The following CAMK1D variants were observed in gnomAD, a reference collection of about 807,000 sequenced individuals.
The protein encoded by CAMK1D is calcium/calmodulin-dependent protein kinase type 1D.
CAMK1D carries 9 observed loss-of-function variants against 47.7 expected under a neutral mutation model. The ratio of observed to expected loss-of-function variants is 0.19; its 90% CI spans 0.11 to 0.33. CAMK1D has a LOEUF of 0.33. CAMK1D is among the 10% of genes least tolerant of loss of function. The probability of loss-of-function intolerance (pLI) is 1.00; values close to 1 mark genes in which losing one functional copy is unlikely to be tolerated. For synonymous variants in CAMK1D, 184 were observed against 184.9 expected, an observed-to-expected ratio of 0.99 and a Z score of 0.04; for missense variants, 291 against 488.7, an observed-to-expected ratio of 0.60 and a Z score of 3.81.
At chr10:12,597,498 G>C (rs1838177857) in intron 2 of CAMK1D, among the ~76,000 whole-genome samples, 1 of 152,126 alleles carries the variant, frequency 6.6e-6, no homozygotes, top group African/African-American at 2.4e-5. Flanking sequence ...TTCCTAGCAG[G>C]TCCCTCATGG....
chr10:12,532,446 A>G (rs549037365), intron 1 of CAMK1D, among the ~76,000 whole-genome samples: 1 of 152,084 alleles, frequency 6.6e-6, no homozygotes, highest in South Asian at 2.1e-4. Flanking sequence ...CGCCTGGCTA[A>G]TTTTTTGTAT....
intron 5 of CAMK1D, among the ~76,000 whole-genome samples, chr10:12,777,012 CT>C (rs1182404333): frequency 3.3e-5 from 5 of 152,172 alleles, no homozygotes; most frequent in Non-Finnish European, 7.3e-5. Flanking sequence ...TTGCAAATAA[CT>C]TTTAGCCAGT....
rs11257828 is a variant in CAMK1D at position 12,490,752 on chromosome 10, G to A, written c.93-62473G>A. On this transcript the variant is annotated intron_variant, in intron 1 of 10. Coordinates refer to ENST00000619168, the MANE Select transcript of CAMK1D (RefSeq NM_153498.4). ...CGCAGCTACTCAGGAGGCTGAGGCAGGAGAATCGCTTGAACCCAGGAGGCG... is the reference window on the plus strand; with the variant it reads ...CGCAGCTACTCAGGAGGCTGAGGCAAGAGAATCGCTTGAACCCAGGAGGCG... Among the ~76,000 whole-genome samples, 1,199 of 152,252 alleles carry A rather than the reference G, an allele frequency of 7.9e-3. 9 individuals carry two copies. Among genetic ancestry groups the A allele is most frequent in the African/African-American group, 0.028 (1,144 of 41,516 alleles).
At chr10:12,406,447 A>C (rs1478038537) in intron 1 of CAMK1D, among the ~76,000 whole-genome samples, 1 of 152,094 alleles carries the variant, frequency 6.6e-6, no homozygotes. Context: ...GTGGTGGCTC[A>C]TGCCTGTAAT....
chr10:12,520,209 T>C (rs1588583345), intron 1 of CAMK1D, among the ~76,000 whole-genome samples: 1 of 70,844 alleles, frequency 1.4e-5, no homozygotes, highest in Non-Finnish European at 2.9e-5. Context: ...TCCTCACTTC[T>C]CAGACGGGGT....
rs202149872 is a variant in CAMK1D, at chr10:12,725,432, A to G, written c.300-35516A>G. ...GGGTTTTCTTCCTCAACACTAAAGG[A>G]CATCAAAGTAGTAATTTTCAAGAGA... On this transcript the variant is annotated intron_variant, in intron 3 of 10. Coordinates refer to ENST00000619168, the MANE Select transcript of CAMK1D (RefSeq NM_153498.4). 2.3e-3 allele frequency: 354 copies of G among 155,216 alleles called. 1 individual carries two copies. The highest frequency in any genetic ancestry group is 4.1e-3 in the Non-Finnish European group (278 of 68,210). 9.6% of individuals were successfully genotyped at this position (155,216 alleles called of 1,614,324 possible).
intron 2 of CAMK1D, among the ~76,000 whole-genome samples, chr10:12,622,837 G>T (rs754726140): frequency 2.0e-5 from 3 of 151,990 alleles, no homozygotes; most frequent in Non-Finnish European, 4.4e-5. Flanking sequence ...TGAGTAGAGG[G>T]GAGGATGTAG....
intron 3 of CAMK1D, among the ~76,000 whole-genome samples, chr10:12,672,812 T>A (rs928945708): frequency 7.9e-5 from 12 of 151,914 alleles, no homozygotes; most frequent in Non-Finnish European, 1.2e-4. Flanking sequence ...ACTTTAGTTT[T>A]TTTATTTATT....
intron 5 of CAMK1D, among the ~76,000 whole-genome samples, chr10:12,775,118 G>C (rs1188704486): frequency 7.1e-4 from 2 of 2,834 alleles, no homozygotes; most frequent in African/African-American, 3.7e-3. Context: ...GAAGGCTCAG[G>C]CATTGATCAG....
intron 1 of CAMK1D, among the ~76,000 whole-genome samples, chr10:12,516,452 A>G (rs987491735): frequency 3.3e-5 from 5 of 152,068 alleles, no homozygotes; most frequent in African/African-American, 1.2e-4. Context: ...GCATTTGCCT[A>G]TAGGTTTCTA....
chr10:12,804,475 G>A (rs945630628), intron 6 of CAMK1D, among the ~76,000 whole-genome samples: 11 of 152,052 alleles, frequency 7.2e-5, no homozygotes, highest in South Asian at 2.1e-4. Flanking sequence ...TTAGCCAGGC[G>A]TGGTGGTGGG....
intron 3 of CAMK1D, among the ~76,000 whole-genome samples, chr10:12,686,040 A>C (rs1832648111): frequency 6.6e-6 from 1 of 152,220 alleles, no homozygotes. Context: ...TTAGAATCAC[A>C]GTGGCTACAG....
chr10:12,577,026 C>G (rs1265937938), intron 2 of CAMK1D, among the ~76,000 whole-genome samples: 3 of 152,218 alleles, frequency 2.0e-5, no homozygotes, highest in Non-Finnish European at 4.4e-5. Flanking sequence ...AGAACACTTT[C>G]ACGTGCATCT....
chr10:12,453,128 T>C (rs1336790986), intron 1 of CAMK1D, among the ~76,000 whole-genome samples: 1 of 152,180 alleles, frequency 6.6e-6, no homozygotes, highest in East Asian at 1.9e-4. Flanking sequence ...CTGGCTTATT[T>C]CACTCAGTCC....
chr10:12,647,637 C>G (rs1403657209), intron 2 of CAMK1D, among the ~76,000 whole-genome samples: 1 of 152,142 alleles, frequency 6.6e-6, no homozygotes, highest in Non-Finnish European at 1.5e-5. Flanking sequence ...GAAGAATGTT[C>G]CATTCTTAGA....
chr10:12,617,663 C>A (rs576808484), intron 2 of CAMK1D, among the ~76,000 whole-genome samples: 54 of 152,288 alleles, frequency 3.5e-4, no homozygotes, highest in African/African-American at 1.3e-3. Flanking sequence ...GTGGTGAGCA[C>A]GCCCTTCCTT....
At chr10:12,740,538 C>G (rs943071786) in intron 3 of CAMK1D, among the ~76,000 whole-genome samples, 1 of 152,066 alleles carries the variant, frequency 6.6e-6, no homozygotes, top group Non-Finnish European at 1.5e-5. Context: ...GTGGAGATTA[C>G]AGTGAACTGA....
chr10:12,411,600 T>G (rs1403701622), intron 1 of CAMK1D, among the ~76,000 whole-genome samples: 7 of 121,666 alleles, frequency 5.8e-5, no homozygotes, highest in African/African-American at 2.5e-4. Context: ...CTACCTGGCT[T>G]CTTTTTTTTT....
intron 2 of CAMK1D, among the ~76,000 whole-genome samples, chr10:12,643,446 T>G (rs1172211530): frequency 6.6e-6 from 1 of 152,150 alleles, no homozygotes; most frequent in Non-Finnish European, 1.5e-5. Flanking sequence ...AAGCTGCGTT[T>G]GTATTTACAG....
Sources: allele counts gnomAD v4.1 joint callset (sites outside exome capture counted in the v4.1 genomes callset), GRCh38; gene constraint gnomAD v4.1.1; transcripts MANE v1.5; gene names NCBI Gene and HGNC (gene_info 2026-07-23, HGNC 2026-07-21).